Variants in NUCKS1 observed in about 807,000 individuals in gnomAD.
The protein encoded by NUCKS1 is nuclear casein kinase and cyclin dependent kinase substrate 1, also known as nuclear ubiquitous casein and cyclin-dependent kinase substrate 1.
A neutral mutation model predicts 33.0 loss-of-function variants in NUCKS1; 2 were observed. The observed-to-expected ratio is 0.06, with a 90% confidence interval of 0.02 to 0.19. The LOEUF (loss-of-function observed/expected upper bound fraction) is 0.19, where lower values mean the gene tolerates loss of function less well. Ranked by LOEUF, NUCKS1 falls within the 10% of genes least tolerant of loss-of-function variation. The probability of loss-of-function intolerance (pLI) is 1.00; values close to 1 mark genes in which losing one functional copy is unlikely to be tolerated. For synonymous variants in NUCKS1, 106 were observed against 102.8 expected (o/e 1.03, Z -0.19); for missense variants, 201 against 293.6 (o/e 0.68, Z 2.31).
chr1:205,747,075 T>C (rs1397634433), intron 1 of NUCKS1, among the ~76,000 whole-genome samples: 1 of 152,194 alleles, frequency 6.6e-6, no homozygotes, highest in African/African-American at 2.4e-5. Context: ...ATGAAAGCAC[T>C]TAAAAAAGTT....
intron 1 of NUCKS1, among the ~76,000 whole-genome samples, chr1:205,745,663 T>C (rs529732059): frequency 2.6e-5 from 4 of 152,166 alleles, no homozygotes; most frequent in Admixed American, 6.5e-5. Flanking sequence ...TCACACTGAA[T>C]ACTAGGCAAG....
chr1:205,717,897 T>C lies in NUCKS1; in HGVS notation c.*383A>G. The C allele has an allele frequency of 1.0e-6, 1 of 989,852 alleles. No homozygotes were observed. The highest frequency in any genetic ancestry group is 1.2e-6 in the Non-Finnish European group (1 of 832,934). The allele number at this position is 989,852 out of a possible 1,614,324, so 61.3% of individuals were successfully genotyped here. ...TGCTATTTTTTAGCAAAAAGCGAAGTTTCAATAGTGTTCATCTCAAATCTT... is the reference window on the plus strand; with the variant it reads ...TGCTATTTTTTAGCAAAAAGCGAAGCTTCAATAGTGTTCATCTCAAATCTT... On this transcript the variant is annotated 3_prime_UTR_variant, in exon 7 of 7. Transcript: ENST00000367142.
In NUCKS1 at chr1:205,714,636, G is replaced by A. The variant is rs1227390279; in HGVS notation, c.*3644C>T. The A allele has an allele frequency of 6.6e-6, 1 of 152,004 alleles. No individual in the cohort carries two copies. Among genetic ancestry groups the A allele is most frequent in the Non-Finnish European group, 1.5e-5 (1 of 67,988 alleles). The allele number at this position is 152,004 out of a possible 1,614,324, so 9.4% of individuals were successfully genotyped here. On this transcript the variant is annotated 3_prime_UTR_variant, in exon 7 of 7. Coordinates refer to ENST00000367142, the MANE Select transcript of NUCKS1 (RefSeq NM_022731.5). ...TGATGTCCCAATATTCAAACAATAA[G>A]CCAACTCTCCATTTTCAAGTAAATC...
intron 3 of NUCKS1, among the ~76,000 whole-genome samples, chr1:205,727,237 T>C (rs1413781524): frequency 6.6e-6 from 1 of 152,152 alleles, no homozygotes; most frequent in Non-Finnish European, 1.5e-5. Context: ...AGTCCTGGGA[T>C]TACAAGCATG....
intron 1 of NUCKS1, among the ~76,000 whole-genome samples, chr1:205,740,094 C>A (rs775654925): frequency 4.1e-5 from 6 of 147,160 alleles, no homozygotes; most frequent in Non-Finnish European, 7.5e-5. Context: ...CCTCTGCCTC[C>A]CAGGTTCCAG....
In NUCKS1 at chr1:205,718,044, A is replaced by G. The variant is rs980414033; in HGVS notation, c.*236T>C. 1.7e-6 allele frequency: 2 copies of G among 1,156,210 alleles called. No individual in the cohort carries two copies. The highest frequency in any genetic ancestry group is 2.1e-6 in the Non-Finnish European group (2 of 943,200). The allele number at this position is 1,156,210 out of a possible 1,614,324, so 71.6% of individuals were successfully genotyped here. ...AGGGCTGGCAAAGAGACCAATAGACAAAAAGGTAACTTAAACACTTACACA... is the reference window on the plus strand; with the variant it reads ...AGGGCTGGCAAAGAGACCAATAGACGAAAAGGTAACTTAAACACTTACACA... On this transcript the variant is annotated 3_prime_UTR_variant, in exon 7 of 7. Coordinates refer to ENST00000367142, the MANE Select transcript of NUCKS1 (RefSeq NM_022731.5).
At chr1:205,737,633 T>C (rs1654063630) in intron 1 of NUCKS1, among the ~76,000 whole-genome samples, 1 of 152,242 alleles carries the variant, frequency 6.6e-6, no homozygotes, top group African/African-American at 2.4e-5. Context: ...AACCTCGGTA[T>C]TTTCACAGAA....
intron 2 of NUCKS1, 127 bp downstream of exon 2, chr1:205,729,445 C>A: frequency 1.3e-6 from 1 of 766,238 alleles, no homozygotes; most frequent in South Asian, 1.5e-5. Context: ...CAGATCATGA[C>A]ATGGTTTTGG....
rs1050430753 is a variant in NUCKS1 at position 205,716,259 on chromosome 1, C to T, written c.*2021G>A. ...AAAGAGCCCTCCCCCCAAATCTTCACGAAACATAACCTAAGAAAAGCCCAA... is the reference window on the plus strand; with the variant it reads ...AAAGAGCCCTCCCCCCAAATCTTCATGAAACATAACCTAAGAAAAGCCCAA... On this transcript the variant is annotated 3_prime_UTR_variant, in exon 7 of 7. Coordinates refer to ENST00000367142, the MANE Select transcript of NUCKS1 (RefSeq NM_022731.5). 3 of 152,006 alleles carry T rather than the reference C, an allele frequency of 2.0e-5. No individual in the cohort carries two copies. The highest frequency in any genetic ancestry group is 2.1e-4 in the South Asian group (1 of 4,818). The allele number at this position is 152,006 out of a possible 1,614,324, so 9.4% of individuals were successfully genotyped here.
At chr1:205,733,455 G>T (rs1039818683) in intron 1 of NUCKS1, among the ~76,000 whole-genome samples, 1 of 152,076 alleles carries the variant, frequency 6.6e-6, no homozygotes, top group East Asian at 1.9e-4. Flanking sequence ...ACTCAAGAAA[G>T]GAATTAGTAT....
At chr1:205,747,143 CAGAAGGT>C (rs2102451724) in intron 1 of NUCKS1, among the ~76,000 whole-genome samples, 1 of 152,186 alleles carries the variant, frequency 6.6e-6, no homozygotes, top group Non-Finnish European at 1.5e-5. Flanking sequence ...ATTGATCGGG[CAGAAGGT>C]ACAGCGATCA....
chr1:205,730,079 G>A (rs1232662671), intron 1 of NUCKS1, among the ~76,000 whole-genome samples: 1 of 151,878 alleles, frequency 6.6e-6, no homozygotes, highest in East Asian at 1.9e-4. Flanking sequence ...TTTGAGACAG[G>A]GTGTCACTCT....
chr1:205,736,660 CTAAAAAA>C (rs1167438937), intron 1 of NUCKS1, among the ~76,000 whole-genome samples: 3 of 151,778 alleles, frequency 2.0e-5, no homozygotes, highest in East Asian at 1.9e-4. Context: ...TCCATCTCTA[CTAAAAAA>C]TAAAAAATAA....
At chr1:205,721,913 A>T (rs1265493270) in intron 4 of NUCKS1, among the ~76,000 whole-genome samples, 3 of 151,986 alleles carry the variant, frequency 2.0e-5, no homozygotes, top group East Asian at 3.9e-4. Context: ...ACCTCAGGTG[A>T]TCCACCCTCC....
At chr1:205,732,795 A>AAAAAAAAAAAAAAT (rs1653947239) in intron 1 of NUCKS1, among the ~76,000 whole-genome samples, 1 of 149,776 alleles carries the variant, frequency 6.7e-6, no homozygotes, top group Non-Finnish European at 1.5e-5. Flanking sequence ...AAAAAAAAAA[A>AAAAAAAAAAAAAAT]GTTAAGATGG....
chr1:205,720,866 C>T (rs1159569183), intron 4 of NUCKS1, among the ~76,000 whole-genome samples: 1 of 152,116 alleles, frequency 6.6e-6, no homozygotes, highest in Non-Finnish European at 1.5e-5. Flanking sequence ...CTCAAATGCC[C>T]ATCAATGATA....
rs140251228 is a variant in NUCKS1 at position 205,745,425 on chromosome 1, G to A, written c.17+4532C>T. ...GATCACCTGAGCCTGAAAGGTTGAG[G>A]ATGCAGTGAGCCTGTGATCGCACCA... On this transcript the variant is annotated intron_variant, in intron 1 of 6. Coordinates refer to ENST00000367142, the MANE Select transcript of NUCKS1 (RefSeq NM_022731.5). 7.4e-3 allele frequency among the ~76,000 whole-genome samples: 1,132 copies of A among 152,188 alleles called. 11 individuals carry two copies. The highest frequency in any genetic ancestry group is 0.026 in the African/African-American group (1,083 of 41,510).
intron 4 of NUCKS1, among the ~76,000 whole-genome samples, chr1:205,721,012 A>G (rs1357240671): frequency 2.0e-5 from 3 of 152,128 alleles, no homozygotes; most frequent in African/African-American, 4.8e-5. Context: ...TGCAGGCACA[A>G]AAGACCAAAC....
At chr1:205,732,620 A>G (rs1443436705) in intron 1 of NUCKS1, among the ~76,000 whole-genome samples, 1 of 151,994 alleles carries the variant, frequency 6.6e-6, no homozygotes, top group Non-Finnish European at 1.5e-5. Flanking sequence ...GTCTCTAGTA[A>G]AAGTACAAAA....
Sources: allele counts gnomAD v4.1 joint callset (sites outside exome capture counted in the v4.1 genomes callset), GRCh38; gene constraint gnomAD v4.1.1; transcripts MANE v1.5; gene names NCBI Gene and HGNC (gene_info 2026-07-23, HGNC 2026-07-21).